NAPB: variants seen among roughly 807,000 people sequenced by gnomAD.
The protein encoded by NAPB is NSF attachment protein beta.
A neutral mutation model predicts 44.7 loss-of-function variants in NAPB; 26 were observed. That is an observed-to-expected ratio of 0.58 (90% CI 0.43 to 0.81). The LOEUF (loss-of-function observed/expected upper bound fraction) is 0.81, where lower values mean the gene tolerates loss of function less well. Among genes scored for constraint, NAPB ranks in the 30% least tolerant of loss-of-function variants. The probability of loss-of-function intolerance (pLI) is 0.00; values close to 1 mark genes in which losing one functional copy is unlikely to be tolerated. For missense variants in NAPB, 315 were observed against 356.4 expected (o/e 0.88, Z 0.94); for synonymous variants, 120 against 116.8 (o/e 1.03, Z -0.18).
intron 2 of NAPB, among the ~76,000 whole-genome samples, chr20:23,402,665 G>C (rs1984936267): frequency 6.6e-6 from 1 of 152,202 alleles, no homozygotes; most frequent in Non-Finnish European, 1.5e-5. Flanking sequence ...GTGTTTATTT[G>C]AACATATTAG....
intron 7 of NAPB, among the ~76,000 whole-genome samples, chr20:23,384,144 T>A (rs545652589): frequency 6.6e-6 from 1 of 152,318 alleles, no homozygotes; most frequent in South Asian, 2.1e-4. Flanking sequence ...AGGCAGACTT[T>A]TTTATATGTG....
chr20:23,401,959 T>C (rs570075593), intron 2 of NAPB, among the ~76,000 whole-genome samples: 2 of 152,360 alleles, frequency 1.3e-5, no homozygotes, highest in African/African-American at 4.8e-5. Context: ...GATCACTTTT[T>C]ACTTATAAGA....
At chr20:23,403,206 G>A (rs1052894800) in intron 1 of NAPB, 134 bp from the exon 2 acceptor site, 1 of 670,148 alleles carries the variant, frequency 1.5e-6, no homozygotes, top group African/African-American at 1.8e-5. Flanking sequence ...TCTATTTAAA[G>A]GAGATACTCT....
intron 7 of NAPB, among the ~76,000 whole-genome samples, chr20:23,387,229 T>C (rs987074562): frequency 2.0e-5 from 3 of 152,104 alleles, no homozygotes; most frequent in Non-Finnish European, 4.4e-5. Context: ...AGAGGGGAAC[T>C]GCCTCAAACT....
rs114300845 is a variant in NAPB at position 23,418,894 on chromosome 20, T to C, written c.98+2411A>G. Among the ~76,000 whole-genome samples, 654 of 152,142 alleles carry C rather than the reference T, an allele frequency of 4.3e-3. 2 individuals carry two copies. The highest frequency in any genetic ancestry group is 0.015 in the African/African-American group (627 of 41,522). On this transcript the variant is annotated intron_variant, in intron 1 of 10. Transcript: ENST00000377026. ...CCTGGGAGGCGGAGGTTGCAGTTAG[T>C]TGACATCCCGCCACTGCAATCCAGC...
chr20:23,413,856 T>C (rs373524271), intron 1 of NAPB, among the ~76,000 whole-genome samples: 3 of 151,108 alleles, frequency 2.0e-5, no homozygotes, highest in East Asian at 3.9e-4. Context: ...AAAGCCCCAA[T>C]GGTTTCACTG....
intron 1 of NAPB, among the ~76,000 whole-genome samples, chr20:23,416,610 AAAT>A (rs895160105): frequency 1.0e-3 from 156 of 152,160 alleles, no homozygotes; most frequent in African/African-American, 3.3e-3. Context: ...TAATTTATAA[AAAT>A]AATTGTTCAA....
At chr20:23,378,400 GA>G (rs952639190) in intron 10 of NAPB, among the ~76,000 whole-genome samples, 47 of 149,462 alleles carry the variant, frequency 3.1e-4, no homozygotes, top group East Asian at 3.9e-4. Flanking sequence ...AAAGTATAAA[GA>G]AAAAAACCCT....
chr20:23,420,412 G>T (rs1321618691), intron 1 of NAPB, among the ~76,000 whole-genome samples: 1 of 150,910 alleles, frequency 6.6e-6, no homozygotes, highest in Admixed American at 6.6e-5. Context: ...ATTTACTAAA[G>T]GTGTACTCGG....
chr20:23,387,015 G>C (rs1431536494), intron 7 of NAPB, among the ~76,000 whole-genome samples: 1 of 152,048 alleles, frequency 6.6e-6, no homozygotes, highest in African/African-American at 2.4e-5. Context: ...ATATTAAGCT[G>C]ATTAGGACAA....
intron 1 of NAPB, among the ~76,000 whole-genome samples, chr20:23,415,788 A>T (rs1329369047): frequency 6.6e-6 from 1 of 152,074 alleles, no homozygotes; most frequent in Non-Finnish European, 1.5e-5. Flanking sequence ...GCAACATAGC[A>T]AGACCCTGTC....
chr20:23,408,962 T>G (rs1985451422), intron 1 of NAPB, among the ~76,000 whole-genome samples: 1 of 152,252 alleles, frequency 6.6e-6, no homozygotes, highest in Non-Finnish European at 1.5e-5. Flanking sequence ...ATTTGAATTC[T>G]TACAGCAAAA....
chr20:23,420,966 T>C (rs1986373701), intron 1 of NAPB, among the ~76,000 whole-genome samples: 1 of 140,582 alleles, frequency 7.1e-6, no homozygotes, highest in South Asian at 2.3e-4. Context: ...GTGTGGGGGC[T>C]GAGGAACCCT....
intron 3 of NAPB, among the ~76,000 whole-genome samples, chr20:23,395,472 A>G (rs1984292333): frequency 6.6e-6 from 1 of 152,234 alleles, no homozygotes; most frequent in African/African-American, 2.4e-5. Flanking sequence ...AAAAGACTGT[A>G]TTATAAAGAA....
chr20:23,421,197 T>G, intron 1 of NAPB, 108 bp downstream of exon 1: 2 of 916,042 alleles, frequency 2.2e-6, no homozygotes. Context: ...CTAGACGTGG[T>G]CTGAGGGCCC....
chr20:23,408,564 C>G lies in NAPB; in HGVS notation c.99-5492G>C, dbSNP rs897644490. On this transcript the variant is annotated intron_variant, in intron 1 of 10. Coordinates refer to ENST00000377026, the MANE Select transcript of NAPB (RefSeq NM_022080.3). The stretch of plus-strand genomic sequence containing the variant: ...CAATTTATTTCCACCTGATGCTTCA[C>G]TTCTGGAAACTCCACAGATTCTAAA... Among the ~76,000 whole-genome samples, 4 of 152,238 alleles carry G rather than the reference C, an allele frequency of 2.6e-5. No individual in the cohort carries two copies. In the South Asian group the frequency reaches 6.2e-4, roughly 24 times the overall value.
intron 3 of NAPB, among the ~76,000 whole-genome samples, chr20:23,396,470 C>A (rs529260752): frequency 1.3e-5 from 2 of 152,164 alleles, no homozygotes; most frequent in African/African-American, 4.8e-5. Context: ...GCTGTGCACG[C>A]GTGTGGAAGG....
chr20:23,397,323 T>C (rs1021133147), intron 2 of NAPB, 135 bp from the exon 3 acceptor site: 14 of 1,084,390 alleles, frequency 1.3e-5, no homozygotes, highest in Non-Finnish European at 1.5e-5. Flanking sequence ...AAAATCCATG[T>C]GGTCCAGTGC....
intron 2 of NAPB, among the ~76,000 whole-genome samples, chr20:23,400,082 G>GC (rs1984718116): frequency 6.6e-6 from 1 of 152,074 alleles, no homozygotes; most frequent in Non-Finnish European, 1.5e-5. Flanking sequence ...GCTCTTCTGG[G>GC]CTACCTCCAT....
Sources: allele counts gnomAD v4.1 joint callset (sites outside exome capture counted in the v4.1 genomes callset), GRCh38; gene constraint gnomAD v4.1.1; transcripts MANE v1.5; gene names NCBI Gene and HGNC (gene_info 2026-07-23, HGNC 2026-07-21).